The following MANBA variants were observed in gnomAD, a reference collection of about 807,000 sequenced individuals.
The protein encoded by MANBA is beta-mannosidase.
MANBA carries 83 observed loss-of-function variants against 111.1 expected under a neutral mutation model. That is an observed-to-expected ratio of 0.75 (90% CI 0.63 to 0.90). The LOEUF (loss-of-function observed/expected upper bound fraction) is 0.90, where lower values mean the gene tolerates loss of function less well. MANBA is among the 40% of genes least tolerant of loss of function. The pLI is 0.00. For synonymous variants in MANBA, 370 were observed against 378.7 expected (o/e 0.98, Z 0.27); for missense variants, 1,036 against 1,069.0 (o/e 0.97, Z 0.43).
chr4:102,727,668 G>T, intron 1 of MANBA: 3 of 1,385,638 alleles, frequency 2.2e-6, no homozygotes, highest in East Asian at 4.6e-5. Context: ...TAAGTTGAAC[G>T]CAGTCTCAGC....
chr4:102,733,067 T>C (rs1256158207), intron 1 of MANBA, among the ~76,000 whole-genome samples: 7 of 152,200 alleles, frequency 4.6e-5, no homozygotes, highest in Admixed American at 2.6e-4. Flanking sequence ...ACATAATTTA[T>C]AGGTTAAAAT....
chr4:102,722,438 C>G, intron 4 of MANBA: 1 of 193,708 alleles, frequency 5.2e-6, no homozygotes, highest in Non-Finnish European at 1.1e-5. Context: ...ACTTTGTTAT[C>G]TTTTTGTTAG....
intron 7 of MANBA, among the ~76,000 whole-genome samples, chr4:102,678,958 A>G (rs1731846083): frequency 6.6e-6 from 1 of 152,226 alleles, no homozygotes; most frequent in Non-Finnish European, 1.5e-5. Flanking sequence ...CATTTTCAAA[A>G]GGGCAATTTT....
In MANBA at chr4:102,631,477, C is replaced by A; in HGVS notation, c.*580G>T. 1 of 336,598 alleles carries A rather than the reference C, an allele frequency of 3.0e-6. No homozygotes were observed. Among genetic ancestry groups the A allele is most frequent in the Non-Finnish European group, 5.3e-6 (1 of 189,422 alleles). 20.9% of individuals were successfully genotyped at this position (336,598 alleles called of 1,614,324 possible). ...ATTTATAGAACGGTTAAATAAGCCACAGATGAAATATCAAGTTGTCAATGT... is the reference window on the plus strand; with the variant it reads ...ATTTATAGAACGGTTAAATAAGCCAAAGATGAAATATCAAGTTGTCAATGT... On this transcript the variant is annotated 3_prime_UTR_variant, in exon 17 of 17. Transcript: ENST00000647097.
rs771191117 is a variant in MANBA, at chr4:102,760,766, C to G, written c.129G>C (p.Ala43=). The G allele has an allele frequency of 2.6e-6, 4 of 1,550,148 alleles. No homozygotes were observed. Among genetic ancestry groups the G allele is most frequent in the Admixed American group, 3.9e-5 (2 of 51,098 alleles). Residue 43 remains alanine, a synonymous_variant, in exon 1 of 17, where the codon GCG becomes GCC. Coordinates refer to ENST00000647097, the MANE Select transcript of MANBA (RefSeq NM_005908.4). The stretch of plus-strand genomic sequence containing the variant: ...AGGCGCTGTGCACGCAGCCAGGGAC[C>G]GCCCCGGGCAGCTCCAGCGAGCCGT... ...NGNGSLELPG[A]VPGCVHSALF...
At chr4:102,691,059 G>A (rs79912020) in intron 5 of MANBA, 2,371 of 152,940 alleles carry the variant, frequency 0.016, 43 homozygotes, top group Non-Finnish European at 0.02. Context: ...AACAGAAAAT[G>A]ACAAATGGAA....
rs144794839 is a variant in MANBA, at chr4:102,693,444, A to G, written c.674-2673T>C. On this transcript the variant is annotated intron_variant, in intron 5 of 16. Transcript: ENST00000647097. ...TGCAGCCTTATAAGAAGAGGAAGAAACAGATATCCGTCTCTCTCTCTACTA... is the reference window on the plus strand; with the variant it reads ...TGCAGCCTTATAAGAAGAGGAAGAAGCAGATATCCGTCTCTCTCTCTACTA... Among the ~76,000 whole-genome samples, 25 of 152,304 alleles carry G rather than the reference A, an allele frequency of 1.6e-4. 1 individual carries two copies. The East Asian group carries it at 3.7e-3, about 22-fold the overall frequency.
intron 11 of MANBA, among the ~76,000 whole-genome samples, chr4:102,658,674 C>T (rs544342562): frequency 4.5e-4 from 69 of 152,282 alleles, no homozygotes; most frequent in African/African-American, 1.5e-3. Context: ...GCTTCCTAGC[C>T]CATATGGGGC....
chr4:102,671,369 T>A lies in MANBA; in HGVS notation c.1142A>T (p.Asp381Val). 6.2e-7 allele frequency: 1 copy of A among 1,607,420 alleles called. No individual in the cohort carries two copies. The highest frequency in any genetic ancestry group is 8.5e-7 in the Non-Finnish European group (1 of 1,174,270). ...AACCCGAAGAGTATTCATATTAGCA[T>A]CCACAACAGACTGTAAAAGGAGCCG... is the stretch of plus-strand genomic sequence containing the variant. ...LLRLLLQSVV[D>V]ANMNTLRVWG... The change falls in exon 9 of 17, where the codon GAT (aspartate) becomes GTT (valine). Residue 381 changes from aspartate to valine, a missense_variant. Coordinates refer to ENST00000647097, the MANE Select transcript of MANBA (RefSeq NM_005908.4).
At chr4:102,714,662 G>C (rs1288578165) in intron 4 of MANBA, 101 bp from the exon 5 acceptor site, 6 of 1,146,634 alleles carry the variant, frequency 5.2e-6, no homozygotes, top group Non-Finnish European at 7.7e-6. Flanking sequence ...GTGTATATAA[G>C]TTTGCTATGG....
At chr4:102,688,291 G>A (rs1030874471) in intron 7 of MANBA, among the ~76,000 whole-genome samples, 31 of 149,524 alleles carry the variant, frequency 2.1e-4, no homozygotes, top group Admixed American at 7.9e-4. Context: ...GTGTGCGTGC[G>A]CGCGCACACA....
chr4:102,641,432 A>T lies in MANBA; in HGVS notation c.1870-1575T>A, dbSNP rs559830261. Among the ~76,000 whole-genome samples, 7 of 152,336 alleles carry T rather than the reference A, an allele frequency of 4.6e-5. No individual in the cohort carries two copies. In the South Asian group the frequency reaches 1.5e-3, roughly 32 times the overall value. ...GTGAGCAGATTTACATTTCCAAAAG[A>T]TGACTGAGACTACTGAAGGAGGAAG... On this transcript the variant is annotated intron_variant, in intron 13 of 16. Transcript: ENST00000647097.
At chr4:102,708,512 A>T (rs986605061) in intron 5 of MANBA, among the ~76,000 whole-genome samples, 1 of 152,170 alleles carries the variant, frequency 6.6e-6, no homozygotes, top group African/African-American at 2.4e-5. Context: ...CAGTGCTAAG[A>T]GGGAAGTTTA....
intron 1 of MANBA, among the ~76,000 whole-genome samples, chr4:102,737,775 C>A (rs1044494060): frequency 1.3e-5 from 2 of 152,164 alleles, no homozygotes; most frequent in African/African-American, 4.8e-5. Flanking sequence ...AGCGACTGCG[C>A]CCGGCCGGGT....
intron 7 of MANBA, among the ~76,000 whole-genome samples, chr4:102,680,633 C>T (rs1668192013): frequency 6.6e-6 from 1 of 151,620 alleles, no homozygotes; most frequent in African/African-American, 2.4e-5. Context: ...AAGCAAATTC[C>T]ACAAGGCTCA....
chr4:102,695,641 C>G (rs1732672323), intron 5 of MANBA, among the ~76,000 whole-genome samples: 1 of 152,172 alleles, frequency 6.6e-6, no homozygotes, highest in African/African-American at 2.4e-5. Flanking sequence ...GAGGCCCTGA[C>G]TGCAGCACTT....
chr4:102,637,785 T>C (rs1368706217), intron 14 of MANBA, among the ~76,000 whole-genome samples: 5 of 152,210 alleles, frequency 3.3e-5, no homozygotes, highest in Non-Finnish European at 5.9e-5. Context: ...TCCTCTGTAA[T>C]ACAGCAGTTA....
At chr4:102,676,399 G>T (rs950226649) in intron 7 of MANBA, among the ~76,000 whole-genome samples, 6 of 152,048 alleles carry the variant, frequency 3.9e-5, no homozygotes, top group Non-Finnish European at 7.4e-5. Context: ...TACAGGGTTA[G>T]TTATGCACCC....
chr4:102,726,795 C>G (rs112401359), intron 1 of MANBA, 112 bp from the exon 2 acceptor site: 1 of 685,432 alleles, frequency 1.5e-6, no homozygotes, highest in Non-Finnish European at 2.6e-6. Flanking sequence ...TAAAAATTAA[C>G]GAACTTTTAG....
Sources: allele counts gnomAD v4.1 joint callset (sites outside exome capture counted in the v4.1 genomes callset), GRCh38; gene constraint gnomAD v4.1.1; transcripts MANE v1.5; gene names NCBI Gene and HGNC (gene_info 2026-07-23, HGNC 2026-07-21).